Variants in VPS13B observed in about 807,000 individuals in gnomAD.
The protein encoded by VPS13B is vacuolar protein sorting 13 homolog B.
In VPS13B, 285 loss-of-function variants were observed where a neutral mutation model predicts 426.4. The observed-to-expected ratio is 0.67, with a 90% CI of 0.61 to 0.74. The LOEUF (loss-of-function observed/expected upper bound fraction) is 0.74. Ranked by LOEUF, VPS13B falls within the 30% of genes least tolerant of loss-of-function variation. The pLI is 0.00. For synonymous variants in VPS13B, 1,676 were observed against 1,676.4 expected (o/e 1.00, Z 0.01); for missense variants, 4,537 against 4,782.6 (o/e 0.95, Z 1.51).
intron 35 of VPS13B, chr8:99,696,824 C>A (rs1832027574): frequency 3.8e-6 from 5 of 1,321,718 alleles, no homozygotes; most frequent in Non-Finnish European, 4.4e-6. Flanking sequence ...CCTGTCACGG[C>A]CGCAGCTGGT....
chr8:99,163,889 G>T (rs1357310400), intron 15 of VPS13B, among the ~76,000 whole-genome samples: 1 of 152,258 alleles, frequency 6.6e-6, no homozygotes, highest in Non-Finnish European at 1.5e-5. Flanking sequence ...TGCAACCAAA[G>T]TGGGAGCCCA....
intron 60 of VPS13B, 160 bp downstream of exon 60, chr8:99,871,047 G>A: frequency 1.3e-6 from 1 of 756,228 alleles, no homozygotes; most frequent in Non-Finnish European, 2.2e-6. Context: ...AGAGGGACAG[G>A]AAGAGGCTGC....
At chr8:99,464,270 CAAAG>C (rs1054113664) in intron 23 of VPS13B, among the ~76,000 whole-genome samples, 4 of 152,064 alleles carry the variant, frequency 2.6e-5, no homozygotes, top group Non-Finnish European at 5.9e-5. Context: ...GTAATGAAAA[CAAAG>C]AAAACTGAGG....
At chr8:99,563,576 G>C (rs1825041115) in intron 31 of VPS13B, among the ~76,000 whole-genome samples, 1 of 152,174 alleles carries the variant, frequency 6.6e-6, no homozygotes, top group Non-Finnish European at 1.5e-5. Context: ...GGGTTTCAGA[G>C]AAGGTTTCAC....
intron 59 of VPS13B, among the ~76,000 whole-genome samples, chr8:99,870,568 G>GTAACACA (rs527264103): frequency 1.1e-3 from 164 of 152,254 alleles, no homozygotes; most frequent in Middle Eastern, 3.4e-3. Context: ...CTTGGACTGT[G>GTAACACA]TAACACATTC....
chr8:99,339,055 C>T (rs1811087538), intron 19 of VPS13B, among the ~76,000 whole-genome samples: 1 of 152,070 alleles, frequency 6.6e-6, no homozygotes, highest in African/African-American at 2.4e-5. Flanking sequence ...GATTATTATT[C>T]CTGTGCCTGT....
chr8:99,656,959 C>T lies in VPS13B; in HGVS notation c.5909-4395C>T, dbSNP rs549345513. On this transcript the variant is annotated intron_variant, in intron 34 of 61. Transcript: ENST00000357162. ...CTGGATGTTCCTAATTTCAGTTATT[C>T]TGTTTTATCAACCCTGTAAATTCAG... Among the ~76,000 whole-genome samples the T allele has an allele frequency of 2.6e-5, 4 of 152,238 alleles. No individual in the cohort carries two copies. The South Asian group carries it at 8.3e-4, about 32-fold the overall frequency.
At chr8:99,515,953 G>T (rs1045732606) in intron 29 of VPS13B, among the ~76,000 whole-genome samples, 4 of 151,844 alleles carry the variant, frequency 2.6e-5, no homozygotes, top group Non-Finnish European at 5.9e-5. Context: ...CATATGTATT[G>T]CTCATATCTT....
At chr8:99,814,632 G>A (rs562829469) in intron 44 of VPS13B, among the ~76,000 whole-genome samples, 8 of 152,014 alleles carry the variant, frequency 5.3e-5, no homozygotes, top group Non-Finnish European at 1.0e-4. Flanking sequence ...TACCCTGATC[G>A]ATGGCAAAAG....
intron 43 of VPS13B, among the ~76,000 whole-genome samples, chr8:99,784,933 T>A (rs1273829154): frequency 1.3e-5 from 2 of 152,148 alleles, no homozygotes; most frequent in Non-Finnish European, 2.9e-5. Context: ...TCTGTGTGTG[T>A]CCTTGGTAGC....
intron 19 of VPS13B, among the ~76,000 whole-genome samples, chr8:99,291,465 G>C (rs1459656366): frequency 6.6e-6 from 1 of 152,102 alleles, no homozygotes; most frequent in South Asian, 2.1e-4. Context: ...TCAGACTCTA[G>C]ATAATTTATG....
intron 3 of VPS13B, among the ~76,000 whole-genome samples, chr8:99,038,924 A>G (rs62532626): frequency 0.06 from 9,094 of 152,102 alleles, 383 homozygotes; most frequent in Non-Finnish European, 0.094. Context: ...TGACCTCGTG[A>G]TCTGCCCACC....
At chr8:99,506,914 C>T (rs1278337788) in intron 27 of VPS13B, among the ~76,000 whole-genome samples, 2 of 152,192 alleles carry the variant, frequency 1.3e-5, no homozygotes, top group Non-Finnish European at 2.9e-5. Flanking sequence ...AGTAAATAAT[C>T]AGCCAAATAA....
chr8:99,336,453 G>T (rs1810876167), intron 19 of VPS13B, among the ~76,000 whole-genome samples: 1 of 152,050 alleles, frequency 6.6e-6, no homozygotes, highest in African/African-American at 2.4e-5. Context: ...CATAGGCATG[G>T]GCAAGGACTT....
Position 99,556,611 on chromosome 8 carries a change from G to A in VPS13B, c.4907G>A (p.Arg1636Lys). Residue 1636 changes from arginine to lysine, a missense_variant, in exon 31 of 62, where the codon AGG (arginine) becomes AAG (lysine). Around this residue, in one of 2 missense-constraint regions of VPS13B, gnomAD observed 4,311 missense variants for 4,474.3 expected, o/e 0.96. Transcript: ENST00000357162. ...VSGGVVTETE[R>K]NSQNPALEWN... is the part of the protein sequence containing the mutation. Reference sequence around the variant, plus strand: ...GGAGGGGTGGTAACAGAGACTGAAAGGAATTCTCAAAATCCAGCCCTTGAG... The same window carrying A: ...GGAGGGGTGGTAACAGAGACTGAAAAGAATTCTCAAAATCCAGCCCTTGAG... 1 of 1,613,102 alleles carries A rather than the reference G, an allele frequency of 6.2e-7. No individual in the cohort carries two copies. The highest frequency in any genetic ancestry group is 1.1e-5 in the South Asian group (1 of 91,060).
Position 99,438,999 on chromosome 8 carries a change from A to G in VPS13B, c.3211-3402A>G, listed in dbSNP as rs183715098. Among the ~76,000 whole-genome samples the G allele has an allele frequency of 9.9e-5, 15 of 152,270 alleles. No homozygotes were observed. The East Asian group carries it at 2.3e-3, about 23-fold the overall frequency. ...AGGTAACACTTACTGTGTTAAATATATATATCAATGCTATAATTTCCCCCA... is the reference window on the plus strand; with the variant it reads ...AGGTAACACTTACTGTGTTAAATATGTATATCAATGCTATAATTTCCCCCA... On this transcript the variant is annotated intron_variant, in intron 22 of 61. Coordinates refer to ENST00000357162, the MANE Select transcript of VPS13B (RefSeq NM_152564.5).
intron 15 of VPS13B, among the ~76,000 whole-genome samples, chr8:99,160,112 T>C (rs993167017): frequency 6.6e-6 from 1 of 152,196 alleles, no homozygotes; most frequent in African/African-American, 2.4e-5. Flanking sequence ...TGTGGTGATG[T>C]GGAACTTGCA....
chr8:99,390,877 T>C (rs1702712058), intron 20 of VPS13B, among the ~76,000 whole-genome samples: 1 of 152,202 alleles, frequency 6.6e-6, no homozygotes, highest in Admixed American at 6.5e-5. Context: ...TTTATTTCAG[T>C]GAATAAAGAT....
At chr8:99,201,783 G>T (rs1161277567) in intron 17 of VPS13B, among the ~76,000 whole-genome samples, 3 of 152,078 alleles carry the variant, frequency 2.0e-5, no homozygotes, top group Admixed American at 2.0e-4. Flanking sequence ...TTTAGTGAAT[G>T]TCTTACTATT....
Sources: gnomAD v4.1 joint callset for allele counts (sites outside exome capture counted in the v4.1 genomes callset) on GRCh38, gnomAD v4.1.1 for gene constraint, gnomAD v4.1.1 regional missense constraint, MANE v1.5 for transcripts, NCBI Gene and HGNC (gene_info 2026-07-23, HGNC 2026-07-21) for gene names.